The following RBFOX1 variants were observed in gnomAD, a reference collection of about 807,000 sequenced individuals.
RBFOX1 encodes RNA binding fox-1 homolog 1, also known as RNA binding protein fox-1 homolog 1.
Under a neutral mutation model 57.7 loss-of-function variants are expected in RBFOX1, and 8 were observed. The ratio of observed to expected loss-of-function variants is 0.14; its 90% confidence interval spans 0.08 to 0.25. The LOEUF (loss-of-function observed/expected upper bound fraction) is 0.25, where lower values mean the gene tolerates loss of function less well. RBFOX1 is among the 10% of genes least tolerant of loss of function. The probability of loss-of-function intolerance (pLI) is 1.00; values close to 1 mark genes in which losing one functional copy is unlikely to be tolerated. For synonymous variants in RBFOX1, 326 were observed against 222.4 expected (o/e 1.47, Z -4.15); for missense variants, 611 against 548.5 (o/e 1.11, Z -1.14).
intron 4 of RBFOX1, among the ~76,000 whole-genome samples, chr16:7,413,256 C>G (rs1425970696): frequency 6.6e-6 from 1 of 152,156 alleles, no homozygotes; most frequent in South Asian, 2.1e-4. Flanking sequence ...CTCTTTGTGC[C>G]TCAACACTGA....
intron 3 of RBFOX1, among the ~76,000 whole-genome samples, chr16:6,729,015 T>A (rs1159349230): frequency 1.3e-5 from 2 of 152,132 alleles, no homozygotes; most frequent in Non-Finnish European, 2.9e-5. Context: ...AGTCAACAAA[T>A]CATACGGGGA....
chr16:7,107,773 A>C (rs1437914483), intron 4 of RBFOX1, among the ~76,000 whole-genome samples: 1 of 152,082 alleles, frequency 6.6e-6, no homozygotes, highest in Non-Finnish European at 1.5e-5. Flanking sequence ...ACACAGAATA[A>C]AAGTATTCTA....
chr16:6,507,039 C>G (rs995397906), intron 2 of RBFOX1, among the ~76,000 whole-genome samples: 3 of 152,062 alleles, frequency 2.0e-5, no homozygotes, highest in African/African-American at 7.2e-5. Flanking sequence ...CTTTTCAACC[C>G]TACGCTGTCC....
chr16:7,318,819 G>A (rs1464236594), intron 4 of RBFOX1, among the ~76,000 whole-genome samples: 1 of 152,126 alleles, frequency 6.6e-6, no homozygotes, highest in Admixed American at 6.6e-5. Flanking sequence ...CGTAGAACAG[G>A]TGTGTGGTGA....
At chr16:6,452,549 G>T (rs1336835228) in intron 2 of RBFOX1, among the ~76,000 whole-genome samples, 1 of 152,156 alleles carries the variant, frequency 6.6e-6, no homozygotes, top group Non-Finnish European at 1.5e-5. Flanking sequence ...ATCTACCAGG[G>T]ATGTACCTAG....
intron 1 of RBFOX1, among the ~76,000 whole-genome samples, chr16:6,111,953 G>C (rs902359854): frequency 1.3e-5 from 2 of 152,114 alleles, no homozygotes; most frequent in Non-Finnish European, 2.9e-5. Context: ...AGAAACATAT[G>C]CTAAAGGTGT....
At chr16:7,582,223 C>T (rs758084999) in intron 6 of RBFOX1, among the ~76,000 whole-genome samples, 1 of 152,140 alleles carries the variant, frequency 6.6e-6, no homozygotes, top group Admixed American at 6.6e-5. Context: ...GACAAGATGT[C>T]AATTTGGCAA....
chr16:7,194,748 T>A (rs552687584), intron 4 of RBFOX1, among the ~76,000 whole-genome samples: 1 of 149,220 alleles, frequency 6.7e-6, no homozygotes, highest in African/African-American at 2.5e-5. Flanking sequence ...GGGAATATAG[T>A]CAAACCTCAT....
intron 4 of RBFOX1, among the ~76,000 whole-genome samples, chr16:7,505,596 C>T (rs568877188): frequency 6.6e-6 from 1 of 152,308 alleles, no homozygotes; most frequent in South Asian, 2.1e-4. Context: ...GAAAAACAGC[C>T]TCTCCATTGC....
intron 1 of RBFOX1, among the ~76,000 whole-genome samples, chr16:6,122,998 C>T (rs975238496): frequency 6.6e-6 from 1 of 151,924 alleles, no homozygotes; most frequent in Admixed American, 6.6e-5. Context: ...AACTGCTGTT[C>T]TCTGGAGAAT....
chr16:6,083,093 C>A (rs1489501803), intron 1 of RBFOX1, among the ~76,000 whole-genome samples: 1 of 151,872 alleles, frequency 6.6e-6, no homozygotes. Flanking sequence ...CCTCCTCCTC[C>A]CAGGTTCAAG....
intron 1 of RBFOX1, among the ~76,000 whole-genome samples, chr16:6,030,941 C>G (rs2095279402): frequency 6.6e-6 from 1 of 152,036 alleles, no homozygotes; most frequent in Non-Finnish European, 1.5e-5. Flanking sequence ...GGTATATTGA[C>G]CAATATTGAC....
intron 2 of RBFOX1, among the ~76,000 whole-genome samples, chr16:6,452,978 C>T (rs972335803): frequency 6.6e-6 from 1 of 152,170 alleles, no homozygotes; most frequent in South Asian, 2.1e-4. Context: ...TGATGTTCAG[C>T]GTTGCTTTGG....
chr16:7,012,094 A>G (rs952158777), intron 3 of RBFOX1, among the ~76,000 whole-genome samples: 6 of 152,124 alleles, frequency 3.9e-5, no homozygotes, highest in African/African-American at 9.7e-5. Flanking sequence ...GGAGTCACCA[A>G]TGAGAAACAG....
intron 3 of RBFOX1, among the ~76,000 whole-genome samples, chr16:5,682,921 C>G (rs978853368): frequency 6.6e-6 from 1 of 152,142 alleles, no homozygotes; most frequent in African/African-American, 2.4e-5. Flanking sequence ...CCCAAAGCTC[C>G]CAGGGTCTAG....
Position 6,828,505 on chromosome 16 carries a change from A to G in RBFOX1, c.-16+173855A>G, listed in dbSNP as rs533855980. ...CGCCATTGCACTCCAGCCTGGCAACAGAGCGAGACGTGTCTTTAAAAAAAA... is the reference window on the plus strand; with the variant it reads ...CGCCATTGCACTCCAGCCTGGCAACGGAGCGAGACGTGTCTTTAAAAAAAA... On this transcript the variant is annotated intron_variant, in intron 3 of 15. Coordinates refer to ENST00000550418, the MANE Select transcript of RBFOX1 (RefSeq NM_018723.4). Among the ~76,000 whole-genome samples, 150 of 151,960 alleles carry G rather than the reference A, an allele frequency of 9.9e-4. 1 individual carries two copies. The highest frequency in any genetic ancestry group is 3.4e-3 in the Middle Eastern group (1 of 294).
chr16:7,494,971 C>T (rs964673435), intron 4 of RBFOX1, among the ~76,000 whole-genome samples: 7 of 151,778 alleles, frequency 4.6e-5, no homozygotes, highest in African/African-American at 1.7e-4. Context: ...TACTCCATTC[C>T]TTCCTGCCAT....
intron 1 of RBFOX1, among the ~76,000 whole-genome samples, chr16:6,078,385 C>G (rs978325964): frequency 6.6e-6 from 1 of 151,980 alleles, no homozygotes; most frequent in African/African-American, 2.4e-5. Flanking sequence ...AATTTTCTTA[C>G]AACCTTATGA....
chr16:6,006,038 C>G (rs79096321), intron 4 of RBFOX1, among the ~76,000 whole-genome samples: 2,930 of 152,304 alleles, frequency 0.019, 100 homozygotes, highest in African/African-American at 0.067. Flanking sequence ...GATGTTAGAA[C>G]TGGATCCTAT....
Sources: gnomAD v4.1 joint callset for allele counts (sites outside exome capture counted in the v4.1 genomes callset) on GRCh38, gnomAD v4.1.1 for gene constraint, MANE v1.5 for transcripts, NCBI Gene and HGNC (gene_info 2026-07-23, HGNC 2026-07-21) for gene names.